The following GPATCH2 variants were observed in gnomAD, a reference collection of about 807,000 sequenced individuals.
GPATCH2 encodes the protein G-patch domain containing 2.
Under a neutral mutation model 58.0 loss-of-function variants are expected in GPATCH2, and 51 were observed. That is an observed-to-expected ratio of 0.88 (90% CI 0.70 to 1.11). GPATCH2 has a LOEUF of 1.11. GPATCH2 is among the 50% of genes most tolerant of loss of function. GPATCH2 has a pLI of 0.00. For synonymous variants in GPATCH2, 222 were observed against 218.5 expected (o/e 1.02, Z -0.14); for missense variants, 625 against 652.2 (o/e 0.96, Z 0.45).
intron 8 of GPATCH2, among the ~76,000 whole-genome samples, chr1:217,476,021 A>T (rs1660953004): frequency 6.6e-6 from 1 of 152,148 alleles, no homozygotes; most frequent in African/African-American, 2.4e-5. Flanking sequence ...AGATGCCACC[A>T]AGAAAACTAA....
intron 4 of GPATCH2, 36 bp from the exon 5 acceptor site, chr1:217,610,436 A>G (rs745750200): frequency 6.0e-6 from 7 of 1,161,276 alleles, no homozygotes; most frequent in East Asian, 4.7e-5. Flanking sequence ...GAAGTTTTCT[A>G]TGATCACTGA....
At chr1:217,541,757 T>C (rs1664753426) in intron 5 of GPATCH2, among the ~76,000 whole-genome samples, 1 of 152,212 alleles carries the variant, frequency 6.6e-6, no homozygotes, top group Non-Finnish European at 1.5e-5. Context: ...TTATTTATCA[T>C]CTACTATGTG....
At chr1:217,454,588 CA>C (rs34571192) in intron 8 of GPATCH2, among the ~76,000 whole-genome samples, 8,483 of 59,192 alleles carry the variant, frequency 0.14, 193 homozygotes, top group Middle Eastern at 0.2. Context: ...GACTCTGTCT[CA>C]AAAAAAAAAA....
intron 5 of GPATCH2, among the ~76,000 whole-genome samples, chr1:217,573,927 A>C (rs1666685020): frequency 6.6e-6 from 1 of 152,256 alleles, no homozygotes; most frequent in Non-Finnish European, 1.5e-5. Context: ...CTGTAGGAAA[A>C]GCTCAATTAA....
chr1:217,551,530 A>C (rs1665359615), intron 5 of GPATCH2, among the ~76,000 whole-genome samples: 1 of 152,128 alleles, frequency 6.6e-6, no homozygotes, highest in East Asian at 1.9e-4. Flanking sequence ...TATTCAAAGA[A>C]CCAAGACTGC....
chr1:217,529,535 T>A (rs923384946), intron 5 of GPATCH2, among the ~76,000 whole-genome samples: 1 of 152,200 alleles, frequency 6.6e-6, no homozygotes, highest in African/African-American at 2.4e-5. Flanking sequence ...CTCCTCCATG[T>A]TATGAGGCAG....
chr1:217,450,157 T>C (rs1356317730), intron 8 of GPATCH2, among the ~76,000 whole-genome samples: 1 of 152,162 alleles, frequency 6.6e-6, no homozygotes, highest in African/African-American at 2.4e-5. Context: ...AAAGATTCTG[T>C]GTTCATTTCC....
At chr1:217,433,654 C>T (rs1658664764) in intron 9 of GPATCH2, among the ~76,000 whole-genome samples, 1 of 152,110 alleles carries the variant, frequency 6.6e-6, no homozygotes, top group Non-Finnish European at 1.5e-5. Flanking sequence ...CCTTAGCCTC[C>T]CAAAGTTCTG....
intron 2 of GPATCH2, among the ~76,000 whole-genome samples, chr1:217,616,738 T>C: frequency 6.6e-6 from 1 of 152,144 alleles, no homozygotes; most frequent in Non-Finnish European, 1.5e-5. Context: ...GAGATTCACC[T>C]TTTTAGAGTG....
At chr1:217,620,542 A>G (rs1342487223) in intron 1 of GPATCH2, 43 bp from the exon 2 acceptor site, 1 of 1,069,616 alleles carries the variant, frequency 9.3e-7, no homozygotes, top group South Asian at 1.5e-5. Flanking sequence ...GTCAGTCTTA[A>G]CCACAGTAAC....
At position 217,474,126 on chromosome 1, in the gene GPATCH2, CT is replaced by C. The variant is rs377580520; in HGVS notation, c.1277+17553del. Among the ~76,000 whole-genome samples the C allele has an allele frequency of 5.5e-4, 83 of 152,176 alleles. No homozygotes were observed. In the South Asian group the frequency reaches 0.017, roughly 31 times the overall value. On this transcript the variant is annotated intron_variant, in intron 8 of 9. Transcript: ENST00000366935. ...ATGAAATGGCATGTAATGATGGGCA[CT>C]GCTTATGGTAACTGATGCCACAAGG...
chr1:217,597,163 C>CA (rs570344554), intron 5 of GPATCH2, among the ~76,000 whole-genome samples: 194 of 139,054 alleles, frequency 1.4e-3, no homozygotes, highest in South Asian at 4.1e-3. Context: ...CTGTCCCTAC[C>CA]AAAAAAAAAA....
chr1:217,600,766 G>T (rs1668068481), intron 5 of GPATCH2, among the ~76,000 whole-genome samples: 1 of 152,070 alleles, frequency 6.6e-6, no homozygotes, highest in Non-Finnish European at 1.5e-5. Context: ...GAAGTCAAAT[G>T]GTTACAAATC....
Position 217,610,387 on chromosome 1 carries a change from T to A in GPATCH2, c.1032A>T (p.Arg344Ser). ...SHPSRRGFQA[R>S]LSRLHGMSSK... ...AAGACATTCCATGAAGGCGACTGAG[T>A]CTAGCTTGGAAACCTGTAAAATCAA... Residue 344 changes from arginine to serine, a missense_variant, in exon 5 of 10, where the codon AGA (arginine) becomes AGT (serine). Transcript: ENST00000366935. 1 of 1,598,590 alleles carries A rather than the reference T, an allele frequency of 6.3e-7. No homozygotes were observed. Among genetic ancestry groups the A allele is most frequent in the Non-Finnish European group, 8.6e-7 (1 of 1,167,294 alleles).
chr1:217,617,355 G>C (rs1337276558), intron 2 of GPATCH2, among the ~76,000 whole-genome samples: 1 of 152,148 alleles, frequency 6.6e-6, no homozygotes, highest in Admixed American at 6.5e-5. Context: ...TTAAAGCACA[G>C]TTCCCTTAGC....
intron 5 of GPATCH2, among the ~76,000 whole-genome samples, chr1:217,567,110 G>A (rs572621021): frequency 2.0e-5 from 3 of 148,546 alleles, no homozygotes; most frequent in Non-Finnish European, 3.0e-5. Flanking sequence ...GCAATGGCGC[G>A]ATCTTGGCTC....
intron 8 of GPATCH2, among the ~76,000 whole-genome samples, chr1:217,457,772 C>T (rs886108926): frequency 6.6e-6 from 1 of 152,114 alleles, no homozygotes; most frequent in Non-Finnish European, 1.5e-5. Context: ...TTTCTGCTTG[C>T]TTTAAATGTG....
intron 5 of GPATCH2, among the ~76,000 whole-genome samples, chr1:217,529,689 C>T (rs1051335467): frequency 6.6e-6 from 1 of 152,228 alleles, no homozygotes; most frequent in Non-Finnish European, 1.5e-5. Context: ...TAAGATGATT[C>T]CCAGATTCCT....
intron 9 of GPATCH2, among the ~76,000 whole-genome samples, chr1:217,441,787 A>G (rs1008729067): frequency 2.8e-4 from 42 of 152,222 alleles, no homozygotes; most frequent in Admixed American, 9.8e-4. Context: ...CAAAATCACA[A>G]TGAGACACCA....
Sources: allele counts gnomAD v4.1 joint callset (sites outside exome capture counted in the v4.1 genomes callset), GRCh38; gene constraint gnomAD v4.1.1; transcripts MANE v1.5; gene names NCBI Gene and HGNC (gene_info 2026-07-23, HGNC 2026-07-21).